NKAIN3: variants seen among roughly 807,000 people sequenced by gnomAD.
The protein encoded by NKAIN3 is sodium/potassium transporting ATPase interacting 3, also known as sodium/potassium-transporting ATPase subunit beta-1-interacting protein 3.
Under a neutral mutation model 30.2 loss-of-function variants are expected in NKAIN3, and 25 were observed. The ratio of observed to expected loss-of-function variants is 0.83; its 90% CI spans 0.60 to 1.16. NKAIN3 has a LOEUF of 1.16. Ranked by LOEUF, NKAIN3 falls within the 50% of genes most tolerant of loss-of-function variation. The probability of loss-of-function intolerance (pLI) is 0.00; values close to 1 mark genes in which losing one functional copy is unlikely to be tolerated. For missense variants in NKAIN3, 225 were observed against 254.1 expected (o/e 0.89, Z 0.78); for synonymous variants, 91 against 89.6 (o/e 1.02, Z -0.09).
At chr8:62,819,826 A>C (rs1818798743) in intron 4 of NKAIN3, among the ~76,000 whole-genome samples, 1 of 152,120 alleles carries the variant, frequency 6.6e-6, no homozygotes, top group South Asian at 2.1e-4. Flanking sequence ...CCTTCTACCC[A>C]AAAGACTGCA....
chr8:62,815,024 T>C (rs1347742274), intron 4 of NKAIN3, among the ~76,000 whole-genome samples: 3 of 152,022 alleles, frequency 2.0e-5, no homozygotes, highest in Admixed American at 6.5e-5. Flanking sequence ...CAATAAAAAA[T>C]GATAAAGGGG....
chr8:62,401,013 T>TTTTCTCTCTCTCTCTC (rs1554526678), intron 1 of NKAIN3, among the ~76,000 whole-genome samples: 11 of 143,860 alleles, frequency 7.6e-5, no homozygotes, highest in Middle Eastern at 7.0e-3. Context: ...CTTTCTACCT[T>TTTTCTCTCTCTCTCTC]TCTCTCACTC....
intron 4 of NKAIN3, among the ~76,000 whole-genome samples, chr8:62,799,469 G>T (rs1413090711): frequency 5.3e-5 from 8 of 152,090 alleles, no homozygotes; most frequent in African/African-American, 1.7e-4. Flanking sequence ...AATTATCAGG[G>T]AAATGCAAAT....
chr8:62,932,823 G>A (rs772838739), intron 5 of NKAIN3, among the ~76,000 whole-genome samples: 1 of 151,848 alleles, frequency 6.6e-6, no homozygotes, highest in African/African-American at 2.4e-5. Flanking sequence ...ATGCAGCCTC[G>A]AACTCCTGAG....
chr8:62,486,065 GT>G (rs1806890647), intron 1 of NKAIN3, among the ~76,000 whole-genome samples: 1 of 152,176 alleles, frequency 6.6e-6, no homozygotes, highest in Admixed American at 6.5e-5. Context: ...AATTGCTGGT[GT>G]ATAGTCAAAA....
intron 1 of NKAIN3, among the ~76,000 whole-genome samples, chr8:62,380,352 C>T (rs551364897): frequency 7.9e-5 from 12 of 152,338 alleles, no homozygotes; most frequent in African/African-American, 2.2e-4. Flanking sequence ...GTCTCTGTCC[C>T]TCATGGAATG....
chr8:62,767,486 A>T (rs552807678), intron 4 of NKAIN3, among the ~76,000 whole-genome samples: 1 of 152,172 alleles, frequency 6.6e-6, no homozygotes, highest in Non-Finnish European at 1.5e-5. Context: ...GGATCCAGTT[A>T]TGCTCAACCC....
At chr8:62,536,225 T>C (rs528139594) in intron 1 of NKAIN3, among the ~76,000 whole-genome samples, 1 of 152,286 alleles carries the variant, frequency 6.6e-6, no homozygotes, top group East Asian at 1.9e-4. Flanking sequence ...TTAAAATTCA[T>C]TTTAAAATAA....
intron 1 of NKAIN3, among the ~76,000 whole-genome samples, chr8:62,497,863 A>T (rs1423775094): frequency 6.6e-6 from 1 of 152,112 alleles, no homozygotes; most frequent in Non-Finnish European, 1.5e-5. Context: ...GGTTGGGTTT[A>T]TAAGCTACAA....
At chr8:62,449,684 G>T (rs1408717692) in intron 1 of NKAIN3, among the ~76,000 whole-genome samples, 2 of 152,010 alleles carry the variant, frequency 1.3e-5, no homozygotes, top group African/African-American at 4.8e-5. Context: ...ATACTAAAAG[G>T]TATGTTTATG....
intron 1 of NKAIN3, among the ~76,000 whole-genome samples, chr8:62,390,728 C>T (rs1049269698): frequency 5.9e-5 from 9 of 152,100 alleles, no homozygotes; most frequent in Non-Finnish European, 1.2e-4. Flanking sequence ...TTAATAATAG[C>T]TATTCTGACT....
intron 1 of NKAIN3, among the ~76,000 whole-genome samples, chr8:62,345,425 A>G (rs576896050): frequency 1.6e-4 from 21 of 130,910 alleles, no homozygotes; most frequent in Non-Finnish European, 2.7e-4. Flanking sequence ...ATACACATAT[A>G]TACACATATA....
At chr8:62,380,983 A>G (rs956056827) in intron 1 of NKAIN3, among the ~76,000 whole-genome samples, 6 of 152,162 alleles carry the variant, frequency 3.9e-5, no homozygotes, top group African/African-American at 1.2e-4. Context: ...TTTACTTCTT[A>G]TGGGTTCTAT....
chr8:62,965,889 T>C lies in NKAIN3; in HGVS notation c.*482T>C, dbSNP rs1318531183. On this transcript the variant is annotated 3_prime_UTR_variant, in exon 7 of 7. Coordinates refer to ENST00000623646, the MANE Select transcript of NKAIN3 (RefSeq NM_001304533.3). ...ACAGCTGATAAATAGGTACAAATAATGGATCCAGCTTTTGGATTGAATATG... is the reference window on the plus strand; with the variant it reads ...ACAGCTGATAAATAGGTACAAATAACGGATCCAGCTTTTGGATTGAATATG... The C allele has an allele frequency of 2.0e-6, 2 of 985,216 alleles. No individual in the cohort carries two copies. The highest frequency in any genetic ancestry group is 6.2e-5 in the Admixed American group (1 of 16,260). 61.0% of individuals were successfully genotyped at this position (985,216 alleles called of 1,614,324 possible). A position where few individuals can be genotyped will look rare whatever the true frequency, so the allele number is the denominator to read the frequency against.
intron 1 of NKAIN3, among the ~76,000 whole-genome samples, chr8:62,271,488 G>A (rs1250712491): frequency 1.3e-5 from 2 of 152,106 alleles, no homozygotes; most frequent in Admixed American, 6.6e-5. Flanking sequence ...AGTTTGCAGG[G>A]TTAGTATGAA....
chr8:62,364,828 CAAAAAAAA>C (rs58784999), intron 1 of NKAIN3, among the ~76,000 whole-genome samples: 7 of 63,760 alleles, frequency 1.1e-4, no homozygotes, highest in South Asian at 1.8e-3. Flanking sequence ...GACTCCACTA[CAAAAAAAA>C]AAAAAAAAAA....
intron 3 of NKAIN3, among the ~76,000 whole-genome samples, chr8:62,726,327 C>T (rs555699205): frequency 6.6e-6 from 1 of 152,064 alleles, no homozygotes; most frequent in African/African-American, 2.4e-5. Context: ...TTTCCTATTA[C>T]TCTAGCTAGT....
intron 1 of NKAIN3, among the ~76,000 whole-genome samples, chr8:62,410,684 T>C (rs943340203): frequency 8.5e-5 from 13 of 152,174 alleles, no homozygotes; most frequent in African/African-American, 3.1e-4. Flanking sequence ...AATGACATTA[T>C]AATTGATCCC....
intron 1 of NKAIN3, among the ~76,000 whole-genome samples, chr8:62,372,241 C>T (rs1186861575): frequency 1.3e-5 from 2 of 151,828 alleles, no homozygotes; most frequent in Non-Finnish European, 1.5e-5. Flanking sequence ...AGGTCACACA[C>T]ACATATATTC....
Sources: gnomAD v4.1 joint callset for allele counts (sites outside exome capture counted in the v4.1 genomes callset) on GRCh38, gnomAD v4.1.1 for gene constraint, MANE v1.5 for transcripts, NCBI Gene and HGNC (gene_info 2026-07-23, HGNC 2026-07-21) for gene names.